Variants in TIAM1 observed in about 807,000 individuals in gnomAD.
TIAM1 encodes TIAM Rac1 associated GEF 1.
In TIAM1, 65 loss-of-function variants were observed where a neutral mutation model predicts 163.5. That is an observed-to-expected ratio of 0.40 (90% confidence interval 0.33 to 0.49). The LOEUF (loss-of-function observed/expected upper bound fraction) is 0.49, where lower values mean the gene tolerates loss of function less well. Ranked by LOEUF, TIAM1 falls within the 20% of genes least tolerant of loss-of-function variation. The pLI is 0.77. For missense variants in TIAM1, 1,789 were observed against 2,044.7 expected, an observed-to-expected ratio of 0.87 and a Z score of 2.41; for synonymous variants, 833 against 810.1, an observed-to-expected ratio of 1.03 and a Z score of -0.48.
chr21:31,526,089 C>A (rs2047775083), intron 1 of TIAM1, among the ~76,000 whole-genome samples: 1 of 151,846 alleles, frequency 6.6e-6, no homozygotes, highest in Admixed American at 6.6e-5. Flanking sequence ...TTGCTTTGAA[C>A]CTGGTCTGCA....
rs1246743612 is a variant in TIAM1 at position 31,136,027 on chromosome 21, G to A, written c.3789C>T (p.Ser1263=). The change falls in exon 23 of 28, where the codon AGC becomes AGT. Residue 1263 remains serine (S), a synonymous_variant. Coordinates refer to ENST00000541036, the MANE Select transcript of TIAM1 (RefSeq NM_001353694.2). ...TGEKKEVADL[S]MGDLLLHTTV... ...TAGTGTGCAAAAGCAGGTCTCCCATGCTCAGATCTGCAACCTGAAAGCCAG... is the reference window on the plus strand; with the variant it reads ...TAGTGTGCAAAAGCAGGTCTCCCATACTCAGATCTGCAACCTGAAAGCCAG... The A allele has an allele frequency of 4.3e-6, 7 of 1,613,858 alleles. No homozygotes were observed. Among genetic ancestry groups the A allele is most frequent in the Non-Finnish European group, 5.1e-6 (6 of 1,179,802 alleles).
chr21:31,346,034 CGGGG>C (rs1249498576), upstream of TIAM1, among the ~76,000 whole-genome samples: 4 of 150,972 alleles, frequency 2.6e-5, no homozygotes, highest in East Asian at 7.8e-4. Context: ...AATTTGCCTC[CGGGG>C]AACATTTGGC....
chr21:31,285,972 A>G (rs1443811662), intron 2 of TIAM1, among the ~76,000 whole-genome samples: 2 of 152,226 alleles, frequency 1.3e-5, no homozygotes. Context: ...AGGAAGAAAG[A>G]GAATCTAGAA....
At chr21:31,556,954 C>T (rs1160598191) in intron 1 of TIAM1, among the ~76,000 whole-genome samples, 1 of 152,200 alleles carries the variant, frequency 6.6e-6, no homozygotes, top group Non-Finnish European at 1.5e-5. Context: ...TTTCATCTCT[C>T]CTAGAAAGTG....
chr21:31,508,770 C>T (rs2047116757), intron 1 of TIAM1, among the ~76,000 whole-genome samples: 1 of 152,086 alleles, frequency 6.6e-6, no homozygotes, highest in African/African-American at 2.4e-5. Flanking sequence ...GGTGAGTGTG[C>T]CCTTAGACTA....
chr21:31,214,972 A>G (rs1478378560), intron 9 of TIAM1, among the ~76,000 whole-genome samples: 1 of 152,138 alleles, frequency 6.6e-6, no homozygotes, highest in East Asian at 1.9e-4. Context: ...ATTAATGACT[A>G]AATTCCTACT....
At chr21:31,474,413 C>G (rs967938542) in intron 1 of TIAM1, among the ~76,000 whole-genome samples, 1 of 152,204 alleles carries the variant, frequency 6.6e-6, no homozygotes, top group Non-Finnish European at 1.5e-5. Flanking sequence ...CCCAGGCACT[C>G]TGTGCCTCAG....
chr21:31,167,406 G>A (rs928768354), intron 15 of TIAM1, among the ~76,000 whole-genome samples: 7 of 152,032 alleles, frequency 4.6e-5, no homozygotes, highest in Admixed American at 2.0e-4. Flanking sequence ...TAATAATACC[G>A]TTGAGAGCCA....
chr21:31,382,858 G>A (rs1423767014), intron 2 of TIAM1, among the ~76,000 whole-genome samples: 1 of 152,110 alleles, frequency 6.6e-6, no homozygotes, highest in Non-Finnish European at 1.5e-5. Flanking sequence ...CCTTCAATAT[G>A]GAAAAGTAAT....
Position 31,154,389 on chromosome 21 carries a change from T to G in TIAM1, c.3029A>C (p.His1010Pro), listed in dbSNP as rs200356631. 1.4e-4 allele frequency: 230 copies of G among 1,614,064 alleles called. 1 individual carries two copies. The highest frequency in any genetic ancestry group is 6.6e-4 in the Middle Eastern group (4 of 6,060). Residue 1010 changes from histidine (H) to proline (P), a missense_variant, in exon 17 of 28, where the codon CAT (histidine) becomes CCT (proline). Physicochemically the swap from His to Pro is moderately conservative, Grantham distance 77. This residue lies in a region of TIAM1 where 303 missense variants were observed against 321.3 expected (regional missense o/e 0.94). Coordinates refer to ENST00000541036, the MANE Select transcript of TIAM1 (RefSeq NM_001353694.2). ...GCTCTGGTCAGAGGGGTTCATCTCATGCAAACTGCGGCAAAATGCGGCCAC... is the reference window on the plus strand; with the variant it reads ...GCTCTGGTCAGAGGGGTTCATCTCAGGCAAACTGCGGCAAAATGCGGCCAC... Reference protein sequence around the residue: ...EQVAAFCRSLHEMNPSDQSPS... With the variant: ...EQVAAFCRSLPEMNPSDQSPS...
At chr21:31,260,427 G>C (rs1026154886) in intron 4 of TIAM1, among the ~76,000 whole-genome samples, 1 of 150,858 alleles carries the variant, frequency 6.6e-6, no homozygotes, top group Admixed American at 6.6e-5. Flanking sequence ...TAGTAGAGAC[G>C]GGGGTTTCAC....
intron 15 of TIAM1, among the ~76,000 whole-genome samples, chr21:31,182,020 G>A (rs1312010006): frequency 6.6e-6 from 1 of 150,490 alleles, no homozygotes; most frequent in African/African-American, 2.4e-5. Context: ...CTGACCTCAA[G>A]GTATCCTCCT....
At chr21:31,507,648 A>G (rs952526031) in intron 1 of TIAM1, among the ~76,000 whole-genome samples, 5 of 152,220 alleles carry the variant, frequency 3.3e-5, no homozygotes, top group African/African-American at 1.2e-4. Context: ...GGATACGATC[A>G]ATCATGACCT....
chr21:31,312,118 C>T (rs2074953231), intron 2 of TIAM1, among the ~76,000 whole-genome samples: 1 of 152,206 alleles, frequency 6.6e-6, no homozygotes, highest in African/African-American at 2.4e-5. Flanking sequence ...GCTTTTGAGG[C>T]TTGGGGACTC....
At chr21:31,184,303 A>G (rs1306225224) in intron 14 of TIAM1, among the ~76,000 whole-genome samples, 1 of 152,152 alleles carries the variant, frequency 6.6e-6, no homozygotes, top group African/African-American at 2.4e-5. Flanking sequence ...ACAGGGTTTC[A>G]CCATGTTAGC....
rs559683257 is a variant in TIAM1 at position 31,168,343 on chromosome 21, C to T, written c.2888-3278G>A. Among the ~76,000 whole-genome samples, 5 of 152,184 alleles carry T rather than the reference C, an allele frequency of 3.3e-5. No individual in the cohort carries two copies. The South Asian group carries it at 6.2e-4, about 19-fold the overall frequency. On this transcript the variant is annotated intron_variant, in intron 15 of 27. Transcript: ENST00000541036. The stretch of plus-strand genomic sequence containing the variant: ...TTGACCTCAGGTGATCTGCCCACCT[C>T]GGCCCCCCAAAGTGCTGGGATTAGA...
At chr21:31,530,927 G>A (rs2047948688) in intron 1 of TIAM1, among the ~76,000 whole-genome samples, 1 of 152,072 alleles carries the variant, frequency 6.6e-6, no homozygotes, top group Non-Finnish European at 1.5e-5. Context: ...ACAAGAAACA[G>A]GACTGAACAG....
intron 1 of TIAM1, among the ~76,000 whole-genome samples, chr21:31,538,881 T>C (rs1237809692): frequency 6.6e-6 from 1 of 152,130 alleles, no homozygotes; most frequent in Non-Finnish European, 1.5e-5. Context: ...AGGGGCAGCC[T>C]GCACGCATCG....
At chr21:31,494,940 A>G (rs749591527) in intron 1 of TIAM1, among the ~76,000 whole-genome samples, 14 of 152,222 alleles carry the variant, frequency 9.2e-5, no homozygotes, top group Non-Finnish European at 1.8e-4. Context: ...AGGTTCTCTG[A>G]GAACGTGCAA....
Sources: gnomAD v4.1 joint callset for allele counts (sites outside exome capture counted in the v4.1 genomes callset) on GRCh38, gnomAD v4.1.1 for gene constraint, gnomAD v4.1.1 regional missense constraint, MANE v1.5 for transcripts, NCBI Gene and HGNC (gene_info 2026-07-23, HGNC 2026-07-21) for gene names.